Variants in TEF observed in about 807,000 individuals in gnomAD.
TEF encodes the protein TEF transcription factor, PAR bZIP family member, also known as thyrotroph embryonic factor.
A neutral mutation model predicts 20.8 loss-of-function variants in TEF; 3 were observed. That is an observed-to-expected ratio of 0.14 (90% confidence interval 0.07 to 0.37). TEF has a LOEUF of 0.37. TEF is among the 10% of genes least tolerant of loss of function. The pLI, the probability that TEF is intolerant of heterozygous loss-of-function variation, is 1.00. For synonymous variants in TEF, 180 were observed against 171.1 expected (o/e 1.05, Z -0.41); for missense variants, 296 against 397.9 (o/e 0.74, Z 2.18).
At chr22:41,379,576 G>GA (rs2036988575), upstream of TEF, among the ~76,000 whole-genome samples, 2 of 151,482 alleles carry the variant, frequency 1.3e-5, no homozygotes, top group South Asian at 4.2e-4. Context: ...GGCATAAAAG[G>GA]AAAAAACGCT....
rs2037262293 is a variant in TEF at position 41,398,983 on chromosome 22, G to T, written c.*3023G>T. ...AATTTTTCTAGAAAATGGCAAAGATGACTTCCAGGTGGATATTGCTCTCTT... is the reference window on the plus strand; with the variant it reads ...AATTTTTCTAGAAAATGGCAAAGATTACTTCCAGGTGGATATTGCTCTCTT... On this transcript the variant is annotated 3_prime_UTR_variant, in exon 4 of 4. Transcript: ENST00000266304. The T allele has an allele frequency of 6.5e-6, 1 of 152,690 alleles. No homozygotes were observed. The highest frequency in any genetic ancestry group is 1.5e-5 in the Non-Finnish European group (1 of 68,058). 9.5% of individuals were successfully genotyped at this position (152,690 alleles called of 1,614,324 possible).
Position 41,396,478 on chromosome 22 carries a change from C to CCACCGAGATCT in TEF, c.*518_*519insCACCGAGATCT. ...GTTCCCATCTTCCTTGGAAGCAGGA[C>CCACCGAGATCT]ACACCAGCTCCTCCGTCAGTGTCTG... On this transcript the variant is annotated 3_prime_UTR_variant, in exon 4 of 4. Coordinates refer to ENST00000266304, the MANE Select transcript of TEF (RefSeq NM_003216.4). The CCACCGAGATCT allele has an allele frequency of 1.8e-5, 3 of 165,108 alleles. No individual in the cohort carries two copies. The highest frequency in any genetic ancestry group is 6.2e-5 in the Admixed American group (1 of 16,256). The allele number at this position is 165,108 out of a possible 1,614,324, so 10.2% of individuals were successfully genotyped here. A position where few individuals can be genotyped will look rare whatever the true frequency, so the allele number is the denominator to read the frequency against.
upstream of TEF, among the ~76,000 whole-genome samples, chr22:41,378,866 A>C (rs1343513254): frequency 6.6e-6 from 1 of 152,226 alleles, no homozygotes; most frequent in African/African-American, 2.4e-5. Context: ...AATTCTCACT[A>C]ACAATTCTAC....
Position 41,398,578 on chromosome 22 carries a change from C to T in TEF, c.*2618C>T, listed in dbSNP as rs371365192. 1.4e-4 allele frequency: 21 copies of T among 153,564 alleles called. No individual in the cohort carries two copies. Among genetic ancestry groups the T allele is most frequent in the Admixed American group, 2.6e-4 (4 of 15,290 alleles). The allele number at this position is 153,564 out of a possible 1,614,324, so 9.5% of individuals were successfully genotyped here. On this transcript the variant is annotated 3_prime_UTR_variant, in exon 4 of 4. Transcript: ENST00000266304. ...ATAAATGTCTCATCTGATGGAGGAA[C>T]GTGTGCATTTAGAGAGAGGGAGAGT...
intron 1 of TEF, among the ~76,000 whole-genome samples, chr22:41,371,941 A>G (rs1376330306): frequency 6.6e-6 from 1 of 152,128 alleles, no homozygotes; most frequent in Admixed American, 6.5e-5. Flanking sequence ...GAGGGAAATG[A>G]GCCGAGAGTG....
upstream of TEF, among the ~76,000 whole-genome samples, chr22:41,378,977 A>G (rs903498649): frequency 1.3e-5 from 2 of 152,246 alleles, no homozygotes; most frequent in African/African-American, 2.4e-5. Context: ...AACCAGTTTT[A>G]GTAAAATTAT....
intron 3 of TEF, among the ~76,000 whole-genome samples, chr22:41,395,330 G>A (rs1409916441): frequency 6.6e-6 from 1 of 152,092 alleles, no homozygotes; most frequent in Non-Finnish European, 1.5e-5. Context: ...GTAAAGATAA[G>A]GGACCTGTGA....
intron 3 of TEF, among the ~76,000 whole-genome samples, chr22:41,395,420 C>G (rs1364056371): frequency 1.3e-5 from 2 of 152,064 alleles, no homozygotes; most frequent in African/African-American, 4.8e-5. Flanking sequence ...GGATCTAGGC[C>G]CTTACCCACA....
upstream of TEF, among the ~76,000 whole-genome samples, chr22:41,380,170 G>C (rs190109402): frequency 6.6e-6 from 1 of 151,718 alleles, no homozygotes; most frequent in Non-Finnish European, 1.5e-5. Context: ...TTATTTTTTT[G>C]ACATGGAGTC....
intron 1 of TEF, among the ~76,000 whole-genome samples, chr22:41,376,322 C>A (rs143161083): frequency 6.6e-6 from 1 of 152,152 alleles, no homozygotes; most frequent in Admixed American, 6.6e-5. Flanking sequence ...CCGCAACTTC[C>A]GCCTCCTGGG....
At chr22:41,372,774 G>A (rs1160726608) in intron 1 of TEF, among the ~76,000 whole-genome samples, 2 of 152,024 alleles carry the variant, frequency 1.3e-5, no homozygotes, top group African/African-American at 2.4e-5. Context: ...GGCAGGAGGC[G>A]GTGGTGGTCA....
upstream of TEF, among the ~76,000 whole-genome samples, chr22:41,381,622 G>A (rs567476590): frequency 2.5e-4 from 38 of 152,356 alleles, no homozygotes; most frequent in Admixed American, 2.1e-3. Context: ...GGCGGTGAAG[G>A]GGGAACACTG....
chr22:41,379,483 G>T (rs2036987226), upstream of TEF, among the ~76,000 whole-genome samples: 1 of 152,156 alleles, frequency 6.6e-6, no homozygotes, highest in African/African-American at 2.4e-5. Context: ...CTCCAGCCTG[G>T]GCAACAAGGG....
At chr22:41,391,323 CTTCTT>C (rs1419775692) in intron 2 of TEF, among the ~76,000 whole-genome samples, 1 of 144,620 alleles carries the variant, frequency 6.9e-6, no homozygotes, top group Non-Finnish European at 1.5e-5. Context: ...ATTGCAGGAT[CTTCTT>C]TTCTTTTTTT....
intron 3 of TEF, among the ~76,000 whole-genome samples, chr22:41,394,623 C>G (rs1367467336): frequency 3.3e-5 from 5 of 152,230 alleles, no homozygotes; most frequent in African/African-American, 1.2e-4. Flanking sequence ...GCCACAGGAA[C>G]TGGGGTTGAA....
chr22:41,393,817 T>C (rs369710054), intron 2 of TEF, among the ~76,000 whole-genome samples: 138 of 151,798 alleles, frequency 9.1e-4, no homozygotes, highest in African/African-American at 3.3e-3. Flanking sequence ...TTAACATTTC[T>C]GGAGGGGGTG....
rs537874665 is a variant in TEF, at chr22:41,384,735, C to G, written c.157+2534C>G. Among the ~76,000 whole-genome samples, 7 of 152,226 alleles carry G rather than the reference C, an allele frequency of 4.6e-5. 1 individual carries two copies. In the South Asian group the frequency reaches 1.5e-3, roughly 32 times the overall value. ...CAGTAACAATGATGCCTACAGTGTG[C>G]CAGGAACACTGTAAAGACACTTTTT... On this transcript the variant is annotated intron_variant, in intron 1 of 3. Coordinates refer to ENST00000266304, the MANE Select transcript of TEF (RefSeq NM_003216.4).
At chr22:41,380,414 C>CA (rs2037002128), upstream of TEF, among the ~76,000 whole-genome samples, 1 of 152,228 alleles carries the variant, frequency 6.6e-6, no homozygotes, top group African/African-American at 2.4e-5. Flanking sequence ...CTCTGCCTCC[C>CA]AAAGTGCCGG....
In TEF at chr22:41,395,896, G is replaced by A; in HGVS notation, c.848G>A (p.Arg283His). Residue 283 changes from arginine to histidine, a missense_variant, in exon 4 of 4, where the codon CGC (arginine) becomes CAC (histidine). By Grantham distance (29) the Arg-to-His change is conservative. This residue lies in a region of TEF where 194 missense variants were observed against 317.8 expected (regional missense o/e 0.61). Coordinates refer to ENST00000266304, the MANE Select transcript of TEF (RefSeq NM_003216.4). ...CTGCGGACGGAGGTGGCCGAGCTAC[G>A]CAAGGAGGTGGGCAAGTGCAAGACC... ...TALRTEVAEL[R>H]KEVGKCKTIV... 3.1e-6 allele frequency: 5 copies of A among 1,614,174 alleles called. No individual in the cohort carries two copies. The highest frequency in any genetic ancestry group is 1.3e-5 in the African/African-American group (1 of 75,054).
Sources: allele counts gnomAD v4.1 joint callset (sites outside exome capture counted in the v4.1 genomes callset), GRCh38; gene constraint gnomAD v4.1.1; regional missense constraint gnomAD v4.1.1; transcripts MANE v1.5; gene names NCBI Gene and HGNC (gene_info 2026-07-23, HGNC 2026-07-21).